CFH: variants seen among roughly 807,000 people sequenced by gnomAD.
CFH encodes the protein H factor 1 (complement).
CFH carries 53 observed loss-of-function variants against 147.3 expected under a neutral mutation model. That is an observed-to-expected ratio of 0.36 (90% CI 0.29 to 0.45). The LOEUF is 0.45. CFH is among the 20% of genes least tolerant of loss of function. The pLI is 1.00. For missense variants in CFH, 1,380 were observed against 1,498.0 expected, an observed-to-expected ratio of 0.92 and a Z score of 1.30; for synonymous variants, 536 against 489.4, an observed-to-expected ratio of 1.10 and a Z score of -1.26.
intron 18 of CFH, chr1:196,741,577 T>C: frequency 5.5e-6 from 2 of 365,506 alleles, no homozygotes; most frequent in South Asian, 4.7e-5. Context: ...AGCCTAACCA[T>C]ATCAGGTGGC....
At chr1:196,670,791 C>G (rs1378982497) in intron 1 of CFH, among the ~76,000 whole-genome samples, 1 of 152,092 alleles carries the variant, frequency 6.6e-6, no homozygotes, top group Non-Finnish European at 1.5e-5. Flanking sequence ...TCTTGGTATA[C>G]AGCATTTTGG....
chr1:196,711,797 G>T (rs1668728837), intron 9 of CFH, among the ~76,000 whole-genome samples: 1 of 151,770 alleles, frequency 6.6e-6, no homozygotes, highest in African/African-American at 2.4e-5. Context: ...TTACCTTTTT[G>T]TTCTCTGGTA....
At position 196,718,954 on chromosome 1, in the gene CFH, A is replaced by T. The variant is rs568988221; in HGVS notation, c.1696+3185A>T. On this transcript the variant is annotated intron_variant, in intron 11 of 21. Coordinates refer to ENST00000367429, the MANE Select transcript of CFH (RefSeq NM_000186.4). ...TTCTTCTCTCAGCCATGTAACAGAA[A>T]ACTGCATGTGGATTGACAGACATCT... Among the ~76,000 whole-genome samples the T allele has an allele frequency of 9.2e-5, 14 of 152,206 alleles. 1 individual carries two copies. Among genetic ancestry groups the T allele is most frequent in the African/African-American group, 3.4e-4 (14 of 41,570 alleles).
intron 9 of CFH, chr1:196,700,732 C>T (rs371771086): frequency 1.6e-6 from 1 of 641,322 alleles, no homozygotes; most frequent in African/African-American, 2.0e-5. Context: ...AGTCCAGTGC[C>T]CCCATGCCAC....
At chr1:196,706,126 G>C (rs1668583170) in intron 9 of CFH, among the ~76,000 whole-genome samples, 2 of 151,584 alleles carry the variant, frequency 1.3e-5, no homozygotes, top group African/African-American at 4.8e-5. Context: ...TGGGTTCATC[G>C]GCACAGAAGG....
At chr1:196,738,828 G>C (rs1275397494) in intron 17 of CFH, among the ~76,000 whole-genome samples, 1 of 152,198 alleles carries the variant, frequency 6.6e-6, no homozygotes, top group Non-Finnish European at 1.5e-5. Flanking sequence ...GGGACTCTAT[G>C]TGAGGGCTCT....
intron 11 of CFH, among the ~76,000 whole-genome samples, chr1:196,721,900 T>A (rs887433650): frequency 6.6e-6 from 1 of 152,002 alleles, no homozygotes; most frequent in Non-Finnish European, 1.5e-5. Flanking sequence ...TCAAAATATC[T>A]GTCTCCATAC....
rs1444285365 is a variant in CFH at position 196,747,126 on chromosome 1, C to T, written c.3509C>T (p.Ser1170Phe). Reference sequence around the variant, plus strand: ...TTATTTTCAGATCCGTGTGTAATATCCCGAGAAATTATGGAAAATTATAAC... The same window carrying T: ...TTATTTTCAGATCCGTGTGTAATATTCCGAGAAATTATGGAAAATTATAAC... ...PPKCLHPCVI[S>F]REIMENYNIA... Residue 1170 changes from serine (S) to phenylalanine (F), a missense_variant, in exon 22 of 22, where the codon TCC becomes TTC. Transcript: ENST00000367429. 1 of 1,613,606 alleles carries T rather than the reference C, an allele frequency of 6.2e-7. No homozygotes were observed. The highest frequency in any genetic ancestry group is 8.5e-7 in the Non-Finnish European group (1 of 1,179,782).
chr1:196,697,721 C>T (rs1300016141), intron 9 of CFH, among the ~76,000 whole-genome samples: 1 of 152,028 alleles, frequency 6.6e-6, no homozygotes, highest in Non-Finnish European at 1.5e-5. Context: ...TTTATTGCGG[C>T]ACTATTCACA....
At chr1:196,711,901 T>C (rs1668731232) in intron 9 of CFH, among the ~76,000 whole-genome samples, 2 of 151,984 alleles carry the variant, frequency 1.3e-5, no homozygotes, top group African/African-American at 4.8e-5. Flanking sequence ...ATCTAGGGAG[T>C]TGCTGTGGAA....
rs555436744 is a variant in CFH at position 196,729,476 on chromosome 1, T to C, written c.2413+954T>C. Among the ~76,000 whole-genome samples the C allele has an allele frequency of 8.5e-5, 13 of 152,210 alleles. No individual in the cohort carries two copies. The East Asian group carries it at 2.3e-3, about 27-fold the overall frequency. ...ATAGTGAATGATCTTTTTAATGTGC[T>C]GTAGGATTTGTTTTCCTAGTATAGT... On this transcript the variant is annotated intron_variant, in intron 15 of 21. Transcript: ENST00000367429.
chr1:196,715,836 T>C (rs1668858071), intron 11 of CFH, 67 bp downstream of exon 11: 1 of 1,380,556 alleles, frequency 7.2e-7, no homozygotes, highest in Admixed American at 1.9e-5. Context: ...ATTTTAAAAA[T>C]TTGAATTATA....
At chr1:196,702,220 C>A (rs1349367674) in intron 9 of CFH, among the ~76,000 whole-genome samples, 1 of 152,102 alleles carries the variant, frequency 6.6e-6, no homozygotes, top group African/African-American at 2.4e-5. Context: ...TCCCCACCAC[C>A]AAAAAGTCAC....
chr1:196,742,974 C>A (rs1331100921), intron 19 of CFH, among the ~76,000 whole-genome samples: 6 of 152,072 alleles, frequency 3.9e-5, no homozygotes, highest in East Asian at 1.9e-4. Flanking sequence ...GTTTTTAATT[C>A]TTTGCTTATT....
intron 1 of CFH, among the ~76,000 whole-genome samples, chr1:196,657,198 T>C (rs1263884862): frequency 6.6e-6 from 1 of 152,194 alleles, no homozygotes; most frequent in African/African-American, 2.4e-5. Flanking sequence ...TCTATTCTGC[T>C]TTGTCTCTAG....
intron 11 of CFH, among the ~76,000 whole-genome samples, chr1:196,718,556 T>G (rs1182839557): frequency 6.6e-6 from 1 of 151,916 alleles, no homozygotes; most frequent in African/African-American, 2.4e-5. Flanking sequence ...AGAGGTTGAG[T>G]TTTGCTCTAA....
intron 11 of CFH, among the ~76,000 whole-genome samples, chr1:196,720,075 A>G (rs1282987534): frequency 6.6e-6 from 1 of 151,854 alleles, no homozygotes; most frequent in East Asian, 1.9e-4. Flanking sequence ...TGTGATGTAT[A>G]TGTCAGTCAT....
At chr1:196,695,165 T>A (rs990586214) in intron 9 of CFH, among the ~76,000 whole-genome samples, 2 of 152,208 alleles carry the variant, frequency 1.3e-5, no homozygotes, top group African/African-American at 4.8e-5. Flanking sequence ...CTTTAATACA[T>A]CATGAGTTAA....
intron 9 of CFH, among the ~76,000 whole-genome samples, chr1:196,692,163 T>A (rs184525798): frequency 3.9e-5 from 6 of 152,280 alleles, no homozygotes; most frequent in Non-Finnish European, 8.8e-5. Flanking sequence ...AGAATCTCAC[T>A]CTGTCACCCA....
Sources: gnomAD v4.1 joint callset for allele counts (sites outside exome capture counted in the v4.1 genomes callset) on GRCh38, gnomAD v4.1.1 for gene constraint, MANE v1.5 for transcripts, NCBI Gene and HGNC (gene_info 2026-07-23, HGNC 2026-07-21) for gene names.